PRRG3: variants seen among roughly 807,000 people sequenced by gnomAD.
PRRG3 encodes transmembrane gamma-carboxyglutamic acid protein 3.
Under a neutral mutation model 15.8 loss-of-function variants are expected in PRRG3, and 21 were observed. That is an observed-to-expected ratio of 1.33 (90% CI 0.94 to 1.92). The LOEUF (loss-of-function observed/expected upper bound fraction) is 1.92. PRRG3 is among the 40% of genes most tolerant of loss of function. The pLI is 0.00. For missense variants in PRRG3, 251 were observed against 200.2 expected (o/e 1.25, Z -1.53); for synonymous variants, 125 against 84.1 (o/e 1.49, Z -2.66).
chrX:151,700,876 T>C lies in PRRG3; in HGVS notation c.539T>C (p.Leu180Pro). 1 of 1,207,419 alleles carries C rather than the reference T, an allele frequency of 8.3e-7. No homozygotes were observed. Among genetic ancestry groups the C allele is most frequent in the African/African-American group, 1.8e-5 (1 of 56,829 alleles). Residue 180 changes from leucine to proline, a missense_variant, in exon 4 of 4, where the codon CTC becomes CCC. Leu to Pro is a moderately conservative substitution (Grantham distance 98). Coordinates refer to ENST00000674457, the MANE Select transcript of PRRG3 (RefSeq NM_001372163.1). ...GAGAGCACCCTCTACCTCCCTGAGC[T>C]CTCTCTCTCCAGACTGTCCAGCACC... Reference protein sequence around the residue: ...RLESTLYLPELSLSRLSSTTP... With the variant: ...RLESTLYLPEPSLSRLSSTTP...
In PRRG3 at chrX:151,702,858, G is replaced by A. The variant is rs2014908332; in HGVS notation, c.*1825G>A. 1 of 112,403 alleles carries A rather than the reference G, an allele frequency of 8.9e-6. No homozygotes were observed. Among genetic ancestry groups the A allele is most frequent in the African/African-American group, 3.2e-5 (1 of 30,929 alleles). The allele number at this position is 112,403 out of a possible 1,213,427, so 9.3% of individuals were successfully genotyped here. ...CACAAAGGGGTTTTTGGCTTAAGAG[G>A]CCCCTGCTTTTTCCATGTTGGGGGA... On this transcript the variant is annotated 3_prime_UTR_variant, in exon 4 of 4. Transcript: ENST00000674457.
In PRRG3 at chrX:151,700,846, G is replaced by A. The variant is rs12394468; in HGVS notation, c.509G>A (p.Arg170Gln). ...GPSRGGRTTV[R>Q]LESTLYLPEL... ...AGTCGGGGGGGCAGGACCACAGTCC[G>A]GCTAGAGAGCACCCTCTACCTCCCT... The change falls in exon 4 of 4, where the codon CGG (arginine) becomes CAG (glutamine). Residue 170 changes from arginine to glutamine, a missense_variant. Physicochemically the swap from Arg to Gln is conservative, Grantham distance 43 (BLOSUM62 1). Coordinates refer to ENST00000674457, the MANE Select transcript of PRRG3 (RefSeq NM_001372163.1). 9 of 1,199,460 alleles carry A rather than the reference G, an allele frequency of 7.5e-6. No individual in the cohort carries two copies. The highest frequency in any genetic ancestry group is 3.6e-5 in the South Asian group (2 of 55,571).
chrX:151,701,267 C>G lies in PRRG3; in HGVS notation c.*234C>G. The G allele has an allele frequency of 3.4e-6, 1 of 296,488 alleles. No individual in the cohort carries two copies. The highest frequency in any genetic ancestry group is 5.9e-6 in the Non-Finnish European group (1 of 169,255). The allele number at this position is 296,488 out of a possible 1,213,427, so 24.4% of individuals were successfully genotyped here. A position where few individuals can be genotyped will look rare whatever the true frequency, so the allele number is the denominator to read the frequency against. On this transcript the variant is annotated 3_prime_UTR_variant, in exon 4 of 4. Transcript: ENST00000674457. ...AAGAGCCAAAGGCCAAAGTGCCCAA[C>G]TCTTTGGGATGACCCCCAAGCCTCC... is the stretch of plus-strand genomic sequence containing the variant.
chrX:151,700,621 T>C lies in PRRG3; in HGVS notation c.284T>C (p.Ile95Thr). 1 of 1,211,527 alleles carries C rather than the reference T, an allele frequency of 8.3e-7. No homozygotes were observed. The highest frequency in any genetic ancestry group is 1.1e-6 in the Non-Finnish European group (1 of 895,380). ...PLLGVALLIV[I>T]ALFIIWRCQL... Reference sequence around the variant, plus strand: ...CTGGGGGTGGCACTGCTGATTGTCATCGCCTTGTTCATCATCTGGAGGTGC... The same window carrying C: ...CTGGGGGTGGCACTGCTGATTGTCACCGCCTTGTTCATCATCTGGAGGTGC... Residue 95 changes from isoleucine to threonine, a missense_variant, in exon 4 of 4, where the codon ATC (isoleucine) becomes ACC (threonine). Physicochemically the swap from Ile to Thr is moderately conservative, Grantham distance 89. Transcript: ENST00000674457.
rs2014924312 is a variant in PRRG3 at position 151,703,768 on chromosome X, C to T, written c.*2735C>T. The T allele has an allele frequency of 9.1e-6, 1 of 109,713 alleles. No homozygotes were observed. Among genetic ancestry groups the T allele is most frequent in the Non-Finnish European group, 1.9e-5 (1 of 52,729 alleles). The allele number at this position is 109,713 out of a possible 1,213,427, so 9.0% of individuals were successfully genotyped here. On this transcript the variant is annotated 3_prime_UTR_variant, in exon 4 of 4. Transcript: ENST00000674457. ...GTCTCCACCCTATGCAACCCCCGCTCACACGCCCTTTTGGCATGGTGCCCC... is the reference window on the plus strand; with the variant it reads ...GTCTCCACCCTATGCAACCCCCGCTTACACGCCCTTTTGGCATGGTGCCCC...
intron 2 of PRRG3, 36 bp downstream of exon 2, chrX:151,698,857 G>C (rs1208686159): frequency 1.7e-6 from 2 of 1,172,821 alleles, no homozygotes; most frequent in Non-Finnish European, 2.3e-6. Context: ...GCCGTGGAGG[G>C]CCATGCCTAG....
chrX:151,695,106 G>C (rs960522482), upstream of PRRG3: 1 of 110,934 alleles, frequency 9.0e-6, no homozygotes, highest in African/African-American at 3.2e-5. Context: ...CCAGGCGGCC[G>C]GCGGCCCGGT....
At position 151,705,428 on chromosome X, in the gene PRRG3, C is replaced by T. The variant is rs748536667; in HGVS notation, c.*4395C>T. ...CACCCTCTCAAGCTCAATGCCTCAA[C>T]AGTTGTTTCACTGTACTGATATCTG... On this transcript the variant is annotated 3_prime_UTR_variant, in exon 4 of 4. Transcript: ENST00000674457. 5.0e-5 allele frequency: 17 copies of T among 339,958 alleles called. No individual in the cohort carries two copies. The highest frequency in any genetic ancestry group is 3.5e-5 in the Non-Finnish European group (6 of 169,319). 28.0% of individuals were successfully genotyped at this position (339,958 alleles called of 1,213,427 possible). A position where few individuals can be genotyped will look rare whatever the true frequency, so the allele number is the denominator to read the frequency against.
chrX:151,699,786 G>A (rs1178693248), intron 2 of PRRG3, among the ~76,000 whole-genome samples: 1 of 112,923 alleles, frequency 8.9e-6, no homozygotes, highest in Non-Finnish European at 1.9e-5. Flanking sequence ...TGGTATTCTA[G>A]ACAGGTGTAT....
chrX:151,703,981 G>T lies in PRRG3; in HGVS notation c.*2948G>T. On this transcript the variant is annotated 3_prime_UTR_variant, in exon 4 of 4. Coordinates refer to ENST00000674457, the MANE Select transcript of PRRG3 (RefSeq NM_001372163.1). ...GGAAAGATGTGTGACTATTGACTTT[G>T]GGTATCGCGGGACTAGTTAATTAGA... 1.1e-5 allele frequency: 1 copy of T among 90,340 alleles called. No individual in the cohort carries two copies. The highest frequency in any genetic ancestry group is 4.0e-5 in the African/African-American group (1 of 24,940). The allele number at this position is 90,340 out of a possible 1,213,427, so 7.4% of individuals were successfully genotyped here.
rs1222822783 is a variant in PRRG3, at chrX:151,700,609, T to G, written c.272T>G (p.Leu91Arg). The G allele has an allele frequency of 8.3e-7, 1 of 1,209,730 alleles. No homozygotes were observed. The highest frequency in any genetic ancestry group is 1.1e-6 in the Non-Finnish European group (1 of 895,022). The stretch of plus-strand genomic sequence containing the variant: ...GTGGTACCCCTTCTGGGGGTGGCAC[T>G]GCTGATTGTCATCGCCTTGTTCATC... ...YVVVPLLGVA[L>R]LIVIALFIIW... The change falls in exon 4 of 4, where the codon CTG becomes CGG. Residue 91 changes from leucine (L) to arginine (R), a missense_variant. By Grantham distance (102) the Leu-to-Arg change is moderately radical (BLOSUM62 -2). Coordinates refer to ENST00000674457, the MANE Select transcript of PRRG3 (RefSeq NM_001372163.1).
chrX:151,694,759 G>T, upstream of PRRG3, among the ~76,000 whole-genome samples: 1 of 108,817 alleles, frequency 9.2e-6, no homozygotes, highest in African/African-American at 3.3e-5. Context: ...CCCGGGGGGT[G>T]GGGACAGGAC....
At chrX:151,697,738 G>C (rs1209720820) in intron 1 of PRRG3, among the ~76,000 whole-genome samples, 1 of 108,182 alleles carries the variant, frequency 9.2e-6, no homozygotes, top group East Asian at 2.9e-4. Context: ...GCTTCTGCTT[G>C]GGGAGGGGAG....
Position 151,701,196 on chromosome X carries a change from T to G in PRRG3, c.*163T>G. On this transcript the variant is annotated 3_prime_UTR_variant, in exon 4 of 4. Coordinates refer to ENST00000674457, the MANE Select transcript of PRRG3 (RefSeq NM_001372163.1). ...TAGGAAGTCAGTTGTCAGAGACAGG[T>G]GGGGAGGGTGGGGGTAGGGACCACG... The G allele has an allele frequency of 2.3e-6, 1 of 440,755 alleles. No homozygotes were observed. The highest frequency in any genetic ancestry group is 3.4e-6 in the Non-Finnish European group (1 of 291,245). The allele number at this position is 440,755 out of a possible 1,213,427, so 36.3% of individuals were successfully genotyped here.
rs1164629490 is a variant in PRRG3 at position 151,702,080 on chromosome X, G to A, written c.*1047G>A. On this transcript the variant is annotated 3_prime_UTR_variant, in exon 4 of 4. Coordinates refer to ENST00000674457, the MANE Select transcript of PRRG3 (RefSeq NM_001372163.1). ...GCTTTGGACAGCAGTGGGGCAGAAG[G>A]CACCTGCCCTTTAACTGTCAGTGAC... The A allele has an allele frequency of 9.0e-6, 1 of 111,655 alleles. No homozygotes were observed. The highest frequency in any genetic ancestry group is 1.9e-5 in the Non-Finnish European group (1 of 53,135). The allele number at this position is 111,655 out of a possible 1,213,427, so 9.2% of individuals were successfully genotyped here. A position where few individuals can be genotyped will look rare whatever the true frequency, so the allele number is the denominator to read the frequency against.
At position 151,704,951 on chromosome X, in the gene PRRG3, A is replaced by C. The variant is rs950173335; in HGVS notation, c.*3918A>C. ...TCACAGTAGCTGTGATTCTGGCTAC[A>C]TAAAAATATTTGAAATATTCTTCCC... is the stretch of plus-strand genomic sequence containing the variant. On this transcript the variant is annotated 3_prime_UTR_variant, in exon 4 of 4. Coordinates refer to ENST00000674457, the MANE Select transcript of PRRG3 (RefSeq NM_001372163.1). 7.9e-6 allele frequency: 1 copy of C among 126,375 alleles called. No individual in the cohort carries two copies. Among genetic ancestry groups the C allele is most frequent in the Non-Finnish European group, 1.6e-5 (1 of 62,671 alleles). 10.4% of individuals were successfully genotyped at this position (126,375 alleles called of 1,213,427 possible). A position where few individuals can be genotyped will look rare whatever the true frequency, so the allele number is the denominator to read the frequency against.
rs1388327424 is a variant in PRRG3, at chrX:151,701,105, A to G, written c.*72A>G. ...TCCTATTTTCTTTTTAACTTTTTAA[A>G]GACTGTGCCACCACAAAACAGCCTT... On this transcript the variant is annotated 3_prime_UTR_variant, in exon 4 of 4. Coordinates refer to ENST00000674457, the MANE Select transcript of PRRG3 (RefSeq NM_001372163.1). 4 of 965,619 alleles carry G rather than the reference A, an allele frequency of 4.1e-6. No individual in the cohort carries two copies. Among genetic ancestry groups the G allele is most frequent in the African/African-American group, 1.9e-5 (1 of 51,741 alleles). 79.6% of individuals were successfully genotyped at this position (965,619 alleles called of 1,213,427 possible).
chrX:151,700,219 C>T lies in PRRG3; in HGVS notation c.168+63C>T, dbSNP rs773641891. On this transcript the variant is annotated intron_variant, in intron 3 of 3. Transcript: ENST00000674457. ...TAGCCTCAGGAATAGCAAGAACAGG[C>T]CCTGGTAATGCAGACCAATCAGAAG... 3.5e-5 allele frequency: 42 copies of T among 1,206,953 alleles called. No individual in the cohort carries two copies. The South Asian group carries it at 7.1e-4, about 20-fold the overall frequency.
Position 151,704,474 on chromosome X carries a change from C to T in PRRG3, c.*3441C>T, listed in dbSNP as rs1459642119. The T allele has an allele frequency of 9.0e-6, 1 of 111,720 alleles. No individual in the cohort carries two copies. 9.2% of individuals were successfully genotyped at this position (111,720 alleles called of 1,213,427 possible). On this transcript the variant is annotated 3_prime_UTR_variant, in exon 4 of 4. Coordinates refer to ENST00000674457, the MANE Select transcript of PRRG3 (RefSeq NM_001372163.1). ...CCAGTGGGTGGAGCATCGCAACCCCCAGCCAGAGTTGATCTTTTGACAACC... is the reference window on the plus strand; with the variant it reads ...CCAGTGGGTGGAGCATCGCAACCCCTAGCCAGAGTTGATCTTTTGACAACC...
Sources: allele counts gnomAD v4.1 joint callset (sites outside exome capture counted in the v4.1 genomes callset), GRCh38; gene constraint gnomAD v4.1.1; transcripts MANE v1.5; gene names NCBI Gene and HGNC (gene_info 2026-07-23, HGNC 2026-07-21).